ZNF98: variants seen among roughly 807,000 people sequenced by gnomAD.
ZNF98 encodes zinc finger protein 98.
In ZNF98, 8 loss-of-function variants were observed where a neutral mutation model predicts 12.8. That is an observed-to-expected ratio of 0.63 (90% CI 0.37 to 1.13). The LOEUF is 1.13. Among genes scored for constraint, ZNF98 ranks in the 50% most tolerant of loss-of-function variants. ZNF98 has a pLI of 0.01. For missense variants in ZNF98, 379 were observed against 666.1 expected (o/e 0.57, Z 4.74); for synonymous variants, 112 against 223.5 (o/e 0.50, Z 4.45).
At chr19:22,403,284 CAG>C (rs1969481529) in intron 2 of ZNF98, 100 bp downstream of exon 2, 4 of 990,976 alleles carry the variant, frequency 4.0e-6, no homozygotes, top group African/African-American at 3.8e-5. Context: ...AAAAAAAAAA[CAG>C]AGATCTGAAA....
At position 22,422,239 on chromosome 19, in the gene ZNF98, C is replaced by T. The variant is rs1417609658; in HGVS notation, c.-15G>A. On this transcript the variant is annotated 5_prime_UTR_variant, in exon 1 of 4. Coordinates refer to ENST00000357774, the MANE Select transcript of ZNF98 (RefSeq NM_001098626.2). The stretch of plus-strand genomic sequence containing the variant: ...GGTCCTGGCATCTTAGCTGTGGATT[C>T]CCAATACCTGCAGGTCACAGGGCCA... 11 of 1,611,818 alleles carry T rather than the reference C, an allele frequency of 6.8e-6. No homozygotes were observed. Among genetic ancestry groups the T allele is most frequent in the Non-Finnish European group, 9.3e-6 (11 of 1,178,496 alleles).
chr19:22,402,905 T>G (rs774595351), intron 2 of ZNF98, 21 bp from the exon 3 acceptor site: 1 of 1,554,336 alleles, frequency 6.4e-7, no homozygotes, highest in East Asian at 2.3e-5. Flanking sequence ...ACAAATAACA[T>G]GAATCTTGCT....
At position 22,392,886 on chromosome 19, in the gene ZNF98, G is replaced by A. The variant is rs369033965; in HGVS notation, c.349C>T (p.Arg117Cys). 248 of 1,607,024 alleles carry A rather than the reference G, an allele frequency of 1.5e-4. No individual in the cohort carries two copies. Among genetic ancestry groups the A allele is most frequent in the African/African-American group, 8.4e-4 (63 of 74,804 alleles). ...VILRTYKKCG[R>C]ENLQLRKYCK... ...TATTTTCTTAACTGTAAATTTTCAC[G>A]TCCACATTTTTTATATGTTCTCAGT... The change falls in exon 4 of 4, where the codon CGT (arginine) becomes TGT (cysteine). Residue 117 changes from arginine to cysteine, a missense_variant. By Grantham distance (180) the Arg-to-Cys change is radical (BLOSUM62 -3). Around this residue, in one of 8 missense-constraint regions of ZNF98, gnomAD observed 223 missense variants for 261.6 expected, o/e 0.85. Transcript: ENST00000357774.
chr19:22,397,125 A>AC (rs1343877544), intron 3 of ZNF98, among the ~76,000 whole-genome samples: 3 of 58,422 alleles, frequency 5.1e-5, no homozygotes, highest in Admixed American at 1.5e-4. Context: ...TCTCAAAAAA[A>AC]AACAACAAAA....
rs909123989 is a variant in ZNF98 at position 22,392,592 on chromosome 19, A to T, written c.643T>A (p.Cys215Ser). Reference sequence around the variant, plus strand: ...GAGGCCTCATTATAGGCTTTCCCACATTCTTTACATTTGTAGGGTTTCTCT... The same window carrying T: ...GAGGCCTCATTATAGGCTTTCCCACTTTCTTTACATTTGTAGGGTTTCTCT... Reference protein sequence around the residue: ...SGEKPYKCKECGKAYNEASNL... With the variant: ...SGEKPYKCKESGKAYNEASNL... The change falls in exon 4 of 4, where the codon TGT (cysteine) becomes AGT (serine). Residue 215 changes from cysteine (C) to serine (S), a missense_variant. By Grantham distance (112) the Cys-to-Ser change is moderately radical. Transcript: ENST00000357774. 13 of 1,609,818 alleles carry T rather than the reference A, an allele frequency of 8.1e-6. No homozygotes were observed. The African/African-American group carries it at 1.7e-4, about 22-fold the overall frequency.
intron 1 of ZNF98, among the ~76,000 whole-genome samples, chr19:22,408,190 A>G (rs1969543372): frequency 6.6e-6 from 1 of 152,250 alleles, no homozygotes; most frequent in African/African-American, 2.4e-5. Flanking sequence ...ACTAAAGACA[A>G]AAACCACATG....
At chr19:22,407,203 C>G (rs184381543) in intron 1 of ZNF98, among the ~76,000 whole-genome samples, 3 of 151,526 alleles carry the variant, frequency 2.0e-5, no homozygotes, top group Admixed American at 6.6e-5. Context: ...ATTACAGGCG[C>G]GTGCCACCAT....
intron 3 of ZNF98, chr19:22,402,360 A>T (rs1032002022): frequency 2.5e-6 from 1 of 392,888 alleles, no homozygotes; most frequent in Non-Finnish European, 4.5e-6. Context: ...CAGAAAAATT[A>T]GCAATAAAAA....
intron 3 of ZNF98, among the ~76,000 whole-genome samples, chr19:22,400,349 G>A (rs1372298956): frequency 3.3e-5 from 5 of 152,272 alleles, no homozygotes; most frequent in Admixed American, 2.0e-4. Context: ...AATCCTCTCT[G>A]GTACTCAGTG....
At chr19:22,396,056 A>AC (rs55707120) in intron 3 of ZNF98, among the ~76,000 whole-genome samples, 4 of 151,124 alleles carry the variant, frequency 2.6e-5, no homozygotes, top group East Asian at 1.9e-4. Flanking sequence ...TTAAAAAAAA[A>AC]CACATAATCA....
chr19:22,413,244 T>G (rs903920766), intron 1 of ZNF98, among the ~76,000 whole-genome samples: 1 of 131,684 alleles, frequency 7.6e-6, no homozygotes, highest in Non-Finnish European at 1.8e-5. Flanking sequence ...CCAGAGCAAT[T>G]AGGCAAGATA....
At chr19:22,401,900 G>A (rs1177089630) in intron 3 of ZNF98, among the ~76,000 whole-genome samples, 2 of 151,268 alleles carry the variant, frequency 1.3e-5, no homozygotes, top group African/African-American at 4.9e-5. Flanking sequence ...TTCTCGGTCA[G>A]GCACGGTGGG....
intron 1 of ZNF98, among the ~76,000 whole-genome samples, chr19:22,418,938 CTTAAGT>C (rs1483727583): frequency 6.6e-6 from 1 of 152,166 alleles, no homozygotes; most frequent in Non-Finnish European, 1.5e-5. Flanking sequence ...TCAAACTTCA[CTTAAGT>C]TTATCTCCGC....
intron 3 of ZNF98, among the ~76,000 whole-genome samples, chr19:22,396,805 G>A (rs942517388): frequency 6.6e-6 from 1 of 152,040 alleles, no homozygotes; most frequent in Non-Finnish European, 1.5e-5. Context: ...AAACTCCAAG[G>A]AGACAAAAAA....
intron 1 of ZNF98, among the ~76,000 whole-genome samples, chr19:22,411,707 G>C (rs139381774): frequency 3.4e-4 from 52 of 152,246 alleles, no homozygotes; most frequent in African/African-American, 1.1e-3. Context: ...ATCTAAATGC[G>C]TTAATAAAAC....
At chr19:22,412,992 G>A (rs1969596287) in intron 1 of ZNF98, among the ~76,000 whole-genome samples, 1 of 152,098 alleles carries the variant, frequency 6.6e-6, no homozygotes, top group Non-Finnish European at 1.5e-5. Flanking sequence ...GGCGGAGCTT[G>A]CAGTGAGCCG....
intron 1 of ZNF98, among the ~76,000 whole-genome samples, chr19:22,410,523 T>A (rs1969569699): frequency 6.6e-6 from 1 of 152,130 alleles, no homozygotes; most frequent in Non-Finnish European, 1.5e-5. Context: ...AACCGCATGT[T>A]CTCATTCATA....
At chr19:22,405,494 AG>A (rs1271711456) in intron 1 of ZNF98, among the ~76,000 whole-genome samples, 1 of 152,126 alleles carries the variant, frequency 6.6e-6, no homozygotes, top group Non-Finnish European at 1.5e-5. Flanking sequence ...CATACGGGGA[AG>A]GGGAGCCCCC....
At chr19:22,395,884 A>AG (rs1969387154) in intron 3 of ZNF98, among the ~76,000 whole-genome samples, 1 of 151,862 alleles carries the variant, frequency 6.6e-6, no homozygotes, top group African/African-American at 2.4e-5. Flanking sequence ...GGGAAAAAAA[A>AG]AAGCTATCAA....
Sources: gnomAD v4.1 joint callset for allele counts (sites outside exome capture counted in the v4.1 genomes callset) on GRCh38, gnomAD v4.1.1 for gene constraint, gnomAD v4.1.1 regional missense constraint, MANE v1.5 for transcripts, NCBI Gene and HGNC (gene_info 2026-07-23, HGNC 2026-07-21) for gene names.